Variants in AUTS2 observed in about 807,000 individuals in gnomAD.
AUTS2 encodes the protein autism susceptibility gene 2 protein.
A neutral mutation model predicts 112.4 loss-of-function variants in AUTS2; 17 were observed. The ratio of observed to expected loss-of-function variants is 0.15; its 90% CI spans 0.10 to 0.23. The LOEUF is 0.23. AUTS2 is among the 10% of genes least tolerant of loss of function. The pLI, the probability that AUTS2 is intolerant of heterozygous loss-of-function variation, is 1.00. For synonymous variants in AUTS2, 751 were observed against 702.7 expected, an observed-to-expected ratio of 1.07 and a Z score of -1.09; for missense variants, 1,510 against 1,701.6, an observed-to-expected ratio of 0.89 and a Z score of 1.98.
chr7:70,280,354 G>A (rs982794592), intron 4 of AUTS2, among the ~76,000 whole-genome samples: 1 of 147,638 alleles, frequency 6.8e-6, no homozygotes, highest in African/African-American at 2.5e-5. Flanking sequence ...CACGATGTCA[G>A]CTCACTGCAA....
At chr7:70,123,522 C>T (rs1805799280) in intron 3 of AUTS2, among the ~76,000 whole-genome samples, 1 of 152,014 alleles carries the variant, frequency 6.6e-6, no homozygotes, top group Non-Finnish European at 1.5e-5. Flanking sequence ...TCAAGCAGAC[C>T]CTAGTGTCTG....
At chr7:70,683,402 C>G (rs1808304041) in intron 5 of AUTS2, among the ~76,000 whole-genome samples, 1 of 152,174 alleles carries the variant, frequency 6.6e-6, no homozygotes, top group South Asian at 2.1e-4. Flanking sequence ...GAATACTGTA[C>G]TAGATGTTAA....
chr7:69,658,649 C>G (rs1204076310), intron 1 of AUTS2, among the ~76,000 whole-genome samples: 3 of 152,098 alleles, frequency 2.0e-5, no homozygotes, highest in Non-Finnish European at 4.4e-5. Context: ...TCATCTCTTT[C>G]TTTGTTTGCT....
At chr7:70,269,149 C>T (rs746013604) in intron 4 of AUTS2, among the ~76,000 whole-genome samples, 130 of 152,282 alleles carry the variant, frequency 8.5e-4, no homozygotes, top group Admixed American at 2.0e-3. Context: ...TCTATAACAA[C>T]GGTGATTGCC....
chr7:70,620,509 C>T (rs1804617313), intron 5 of AUTS2, among the ~76,000 whole-genome samples: 1 of 152,040 alleles, frequency 6.6e-6, no homozygotes. Context: ...TTGGTCGGGC[C>T]CTTTGCTCTC....
chr7:70,704,044 T>C (rs530571562), intron 6 of AUTS2, among the ~76,000 whole-genome samples: 62 of 152,346 alleles, frequency 4.1e-4, no homozygotes, highest in African/African-American at 1.5e-3. Context: ...ATTTGTTGTA[T>C]AGAATCATCC....
At chr7:70,627,421 A>G (rs918365311) in intron 5 of AUTS2, among the ~76,000 whole-genome samples, 1 of 152,234 alleles carries the variant, frequency 6.6e-6, no homozygotes, top group Non-Finnish European at 1.5e-5. Flanking sequence ...CATAATTTGC[A>G]AATGTTTTCT....
rs114312599 is a variant in AUTS2, at chr7:70,224,778, C to G, written c.660+90207C>G. Among the ~76,000 whole-genome samples, 1,347 of 152,168 alleles carry G rather than the reference C, an allele frequency of 8.9e-3. 24 individuals are homozygous for G. Among genetic ancestry groups the G allele is most frequent in the African/African-American group, 0.031 (1,283 of 41,528 alleles). On this transcript the variant is annotated intron_variant, in intron 4 of 18. Coordinates refer to ENST00000342771, the MANE Select transcript of AUTS2 (RefSeq NM_015570.4). ...GTGTACCATTTTTTAATCTTTTATA[C>G]TATATTTTTATTACGTCTTTTCTGA...
chr7:70,709,538 C>A (rs1465054781), intron 6 of AUTS2, among the ~76,000 whole-genome samples: 1 of 152,064 alleles, frequency 6.6e-6, no homozygotes, highest in African/African-American at 2.4e-5. Flanking sequence ...TGGCGAAACC[C>A]CATCTCTACT....
intron 1 of AUTS2, among the ~76,000 whole-genome samples, chr7:69,601,083 C>G (rs1792380483): frequency 6.6e-6 from 1 of 151,976 alleles, no homozygotes; most frequent in African/African-American, 2.4e-5. Context: ...TGGTCATTGG[C>G]CTCTATAAAT....
intron 2 of AUTS2, among the ~76,000 whole-genome samples, chr7:69,974,195 GT>G (rs1459988001): frequency 6.6e-6 from 1 of 151,358 alleles, no homozygotes; most frequent in African/African-American, 2.4e-5. Flanking sequence ...CTTCATCTAA[GT>G]TGTCAAATTT....
chr7:69,740,575 G>C (rs1787221569), intron 1 of AUTS2, among the ~76,000 whole-genome samples: 1 of 151,784 alleles, frequency 6.6e-6, no homozygotes, highest in Non-Finnish European at 1.5e-5. Context: ...CCAGGCTGGA[G>C]TGCAATGGTG....
At chr7:70,076,872 A>G (rs1458825731) in intron 2 of AUTS2, among the ~76,000 whole-genome samples, 1 of 152,220 alleles carries the variant, frequency 6.6e-6, no homozygotes, top group Non-Finnish European at 1.5e-5. Flanking sequence ...AAGCTAAGAG[A>G]GTATTTCAAT....
chr7:70,784,887 C>T (rs1791341677), intron 15 of AUTS2, 55 bp from the exon 16 acceptor site: 2 of 1,540,248 alleles, frequency 1.3e-6, no homozygotes, highest in Non-Finnish European at 1.8e-6. Flanking sequence ...AAGCCGGTTG[C>T]ATCTTCGAAG....
chr7:69,940,640 G>A (rs186306512), intron 2 of AUTS2, among the ~76,000 whole-genome samples: 56 of 152,282 alleles, frequency 3.7e-4, no homozygotes, highest in Admixed American at 1.0e-3. Context: ...AGAACCATGG[G>A]TATAACATGA....
intron 2 of AUTS2, among the ~76,000 whole-genome samples, chr7:69,919,377 G>T (rs1446812095): frequency 6.6e-6 from 1 of 152,222 alleles, no homozygotes; most frequent in African/African-American, 2.4e-5. Flanking sequence ...CATGTTGGCA[G>T]ACTGAAGAAG....
At chr7:69,655,940 C>A (rs1261660681) in intron 1 of AUTS2, among the ~76,000 whole-genome samples, 1 of 152,194 alleles carries the variant, frequency 6.6e-6, no homozygotes, top group East Asian at 1.9e-4. Flanking sequence ...GGAGAAGAGG[C>A]ATGGGGACAG....
chr7:70,677,300 G>A (rs1162353046), intron 5 of AUTS2, among the ~76,000 whole-genome samples: 1 of 152,062 alleles, frequency 6.6e-6, no homozygotes, highest in Non-Finnish European at 1.5e-5. Flanking sequence ...CTGCAAATCC[G>A]AGCTCTCTTT....
intron 5 of AUTS2, among the ~76,000 whole-genome samples, chr7:70,478,600 A>G (rs1797670380): frequency 6.6e-6 from 1 of 152,148 alleles, no homozygotes; most frequent in Admixed American, 6.5e-5. Context: ...TGTATATGCA[A>G]ATATGATGGC....
Sources: gnomAD v4.1 joint callset for allele counts (sites outside exome capture counted in the v4.1 genomes callset) on GRCh38, gnomAD v4.1.1 for gene constraint, MANE v1.5 for transcripts, NCBI Gene and HGNC (gene_info 2026-07-23, HGNC 2026-07-21) for gene names.